The following GPD2 variants were observed in gnomAD, a reference collection of about 807,000 sequenced individuals.
The protein encoded by GPD2 is glycerol-3-phosphate dehydrogenase 2.
In GPD2, 54 loss-of-function variants were observed where a neutral mutation model predicts 82.4. The observed-to-expected ratio is 0.66, with a 90% confidence interval of 0.53 to 0.82. GPD2 has a LOEUF of 0.82. Among genes scored for constraint, GPD2 ranks in the 40% least tolerant of loss-of-function variants. The pLI, the probability that GPD2 is intolerant of heterozygous loss-of-function variation, is 0.00. For missense variants in GPD2, 748 were observed against 896.2 expected, an observed-to-expected ratio of 0.83 and a Z score of 2.11; for synonymous variants, 288 against 306.1, an observed-to-expected ratio of 0.94 and a Z score of 0.62.
At chr2:156,461,772 G>A (rs541139455) in intron 1 of GPD2, among the ~76,000 whole-genome samples, 2 of 152,166 alleles carry the variant, frequency 1.3e-5, no homozygotes, top group African/African-American at 2.4e-5. Context: ...TTGTTTACAT[G>A]TTTATTTTTG....
chr2:156,550,856 A>C, intron 8 of GPD2, 110 bp downstream of exon 8: 1 of 897,818 alleles, frequency 1.1e-6, no homozygotes, highest in Non-Finnish European at 1.8e-6. Flanking sequence ...TTGCTGTTCA[A>C]AATCAGGAGA....
the GPD2 span, among the ~76,000 whole-genome samples, chr2:156,404,686 C>CA: frequency 0.056 from 3,583 of 64,186 alleles, 43 homozygotes; most frequent in African/African-American, 0.083. Flanking sequence ...TTAAAAATAC[C>CA]AAAAAAAAAA....
intron 2 of GPD2, among the ~76,000 whole-genome samples, chr2:156,484,361 G>T (rs1558921443): frequency 6.6e-6 from 1 of 151,836 alleles, no homozygotes; most frequent in Non-Finnish European, 1.5e-5. Flanking sequence ...GGTCTTGAAC[G>T]CCTGACCTAG....
chr2:156,443,124 TAACA>T (rs914623904), intron 1 of GPD2, among the ~76,000 whole-genome samples: 1 of 152,202 alleles, frequency 6.6e-6, no homozygotes, highest in Non-Finnish European at 1.5e-5. Flanking sequence ...TTTGAAATCC[TAACA>T]AACCTTGAGT....
chr2:156,506,732 C>T (rs1017948843), intron 3 of GPD2, among the ~76,000 whole-genome samples: 32 of 152,294 alleles, frequency 2.1e-4, no homozygotes, highest in African/African-American at 7.7e-4. Flanking sequence ...CAAAAGGTCT[C>T]CTGCCTCCAG....
intron 2 of GPD2, among the ~76,000 whole-genome samples, chr2:156,478,451 T>C (rs1382647722): frequency 6.6e-6 from 1 of 152,040 alleles, no homozygotes; most frequent in East Asian, 1.9e-4. Context: ...ATACTGCCAT[T>C]AGCATGTATT....
the GPD2 span, among the ~76,000 whole-genome samples, chr2:156,425,731 T>C: frequency 6.6e-6 from 1 of 152,114 alleles, no homozygotes; most frequent in Non-Finnish European, 1.5e-5. Context: ...TTTCTCCAAT[T>C]TGCCACAGAC....
intron 6 of GPD2, among the ~76,000 whole-genome samples, chr2:156,537,480 G>A (rs192512951): frequency 1.2e-3 from 185 of 152,314 alleles, no homozygotes; most frequent in African/African-American, 4.2e-3. Context: ...AGTAATAGAC[G>A]TGGTATGTCC....
the GPD2 span, among the ~76,000 whole-genome samples, chr2:156,400,532 A>G: frequency 6.6e-6 from 1 of 152,252 alleles, no homozygotes; most frequent in African/African-American, 2.4e-5. Context: ...CCCGACGTCC[A>G]GCAGAAGTGC....
At chr2:156,486,291 G>A (rs1462104260) in intron 2 of GPD2, among the ~76,000 whole-genome samples, 3 of 152,164 alleles carry the variant, frequency 2.0e-5, no homozygotes, top group African/African-American at 4.8e-5. Flanking sequence ...TCAGGCCTTC[G>A]AGGAGTTTGT....
chr2:156,538,837 A>AC (rs1382019621), intron 6 of GPD2, among the ~76,000 whole-genome samples: 1 of 151,312 alleles, frequency 6.6e-6, no homozygotes. Context: ...AAAAAAAAAA[A>AC]AGATCAGGAT....
At chr2:156,442,277 A>C (rs922529906) in intron 1 of GPD2, among the ~76,000 whole-genome samples, 10 of 152,216 alleles carry the variant, frequency 6.6e-5, no homozygotes, top group Admixed American at 5.2e-4. Flanking sequence ...TGACATGCTT[A>C]GAATGCTTTG....
intron 6 of GPD2, among the ~76,000 whole-genome samples, chr2:156,534,492 C>T (rs187011143): frequency 1.3e-5 from 2 of 152,288 alleles, no homozygotes; most frequent in East Asian, 3.9e-4. Flanking sequence ...ATTTCCTTGC[C>T]TCCTGTCCAT....
At chr2:156,521,417 A>T (rs552477144) in intron 6 of GPD2, among the ~76,000 whole-genome samples, 1 of 152,356 alleles carries the variant, frequency 6.6e-6, no homozygotes, top group African/African-American at 2.4e-5. Flanking sequence ...ATTTAGGCTT[A>T]TGACACCTAA....
rs114881362 is a variant in GPD2 at position 156,502,168 on chromosome 2, C to T, written c.274+5953C>T. Among the ~76,000 whole-genome samples, 1,390 of 151,650 alleles carry T rather than the reference C, an allele frequency of 9.2e-3. 22 individuals are homozygous for T. The highest frequency in any genetic ancestry group is 0.031 in the African/African-American group (1,300 of 41,306). ...CATATATATTCTGTTTTATCATATT[C>T]CATGTGAATCAAGGATGTAACTTTA... On this transcript the variant is annotated intron_variant, in intron 3 of 16. Transcript: ENST00000438166.
intron 3 of GPD2, among the ~76,000 whole-genome samples, chr2:156,504,095 A>G (rs1273220196): frequency 1.4e-5 from 2 of 146,102 alleles, no homozygotes; most frequent in East Asian, 2.0e-4. Flanking sequence ...GTTTTCTAAT[A>G]TATCTGTTTT....
chr2:156,580,788 G>C (rs1688000550), intron 16 of GPD2, among the ~76,000 whole-genome samples: 1 of 152,162 alleles, frequency 6.6e-6, no homozygotes, highest in East Asian at 1.9e-4. Flanking sequence ...CACAGGTTGT[G>C]TCCAGCATTA....
intron 9 of GPD2, among the ~76,000 whole-genome samples, chr2:156,562,421 T>C (rs887792909): frequency 2.6e-5 from 4 of 152,206 alleles, no homozygotes; most frequent in Non-Finnish European, 5.9e-5. Flanking sequence ...AGTTTATAAA[T>C]GTAATATGGT....
chr2:156,479,635 C>G (rs1169706917), intron 2 of GPD2, among the ~76,000 whole-genome samples: 1 of 152,134 alleles, frequency 6.6e-6, no homozygotes, highest in East Asian at 1.9e-4. Context: ...CAGCCTAAAT[C>G]TTCAATTCCA....
Sources: allele counts gnomAD v4.1 joint callset (sites outside exome capture counted in the v4.1 genomes callset), GRCh38; gene constraint gnomAD v4.1.1; transcripts MANE v1.5; gene names NCBI Gene and HGNC (gene_info 2026-07-23, HGNC 2026-07-21).